Variants in EML5 observed in about 807,000 individuals in gnomAD.
EML5 encodes the protein EMAP like 5.
In EML5, 120 loss-of-function variants were observed where a neutral mutation model predicts 250.0. The ratio of observed to expected loss-of-function variants is 0.48; its 90% confidence interval spans 0.41 to 0.56. EML5 has a LOEUF of 0.56. Among genes scored for constraint, EML5 ranks in the 20% least tolerant of loss-of-function variants. The pLI is 0.00. For missense variants in EML5, 2,006 were observed against 2,437.6 expected (o/e 0.82, Z 3.73); for synonymous variants, 771 against 806.5 (o/e 0.96, Z 0.75).
intron 31 of EML5, among the ~76,000 whole-genome samples, chr14:88,639,560 C>T (rs2090941628): frequency 6.6e-6 from 1 of 152,070 alleles, no homozygotes. Flanking sequence ...GTTCTTATGT[C>T]AGTGGAGGAA....
intron 10 of EML5, among the ~76,000 whole-genome samples, chr14:88,709,952 T>C (rs971925204): frequency 6.6e-6 from 1 of 152,218 alleles, no homozygotes; most frequent in African/African-American, 2.4e-5. Flanking sequence ...GGAATCTAAA[T>C]GATATTTTCT....
chr14:88,716,747 A>G (rs2093500967), intron 8 of EML5, among the ~76,000 whole-genome samples: 1 of 151,806 alleles, frequency 6.6e-6, no homozygotes, highest in Admixed American at 6.6e-5. Flanking sequence ...ACACACACAC[A>G]CACACACACA....
intron 7 of EML5, among the ~76,000 whole-genome samples, chr14:88,734,484 G>A (rs2093809378): frequency 6.6e-6 from 1 of 151,990 alleles, no homozygotes; most frequent in Non-Finnish European, 1.5e-5. Context: ...ATTCTCTTAA[G>A]GGGCCACAAT....
rs1382221083 is a variant in EML5 at position 88,696,780 on chromosome 14, T to TA, written c.2344+66dup. The stretch of plus-strand genomic sequence containing the variant: ...ATGACAAGCTTAGGTAACACTGACT[T>TA]AGATTAAAATGCTATGTGTTGCCTC... On this transcript the variant is annotated intron_variant, in intron 15 of 43. Transcript: ENST00000554922. The TA allele has an allele frequency of 5.4e-6, 6 of 1,114,224 alleles. No homozygotes were observed. The African/African-American group carries it at 9.4e-5, about 17-fold the overall frequency. 69.0% of individuals were successfully genotyped at this position (1,114,224 alleles called of 1,614,324 possible).
chr14:88,619,628 C>A (rs548309571), intron 39 of EML5: 1 of 152,332 alleles, frequency 6.6e-6, no homozygotes, highest in Non-Finnish European at 1.5e-5. Context: ...CACAGCCCAG[C>A]TTAACTAACC....
chr14:88,652,274 T>C (rs189993103), intron 27 of EML5, among the ~76,000 whole-genome samples: 2 of 152,148 alleles, frequency 1.3e-5, no homozygotes, highest in East Asian at 1.9e-4. Flanking sequence ...GTACATGAGG[T>C]ATACCATCAG....
intron 1 of EML5, among the ~76,000 whole-genome samples, chr14:88,766,465 G>A (rs543521795): frequency 1.2e-4 from 18 of 152,200 alleles, no homozygotes; most frequent in South Asian, 4.2e-4. Flanking sequence ...AATAAGCCCC[G>A]GTCTCCCATA....
At chr14:88,709,139 A>C (rs924469048) in intron 10 of EML5, among the ~76,000 whole-genome samples, 3 of 137,790 alleles carry the variant, frequency 2.2e-5, no homozygotes, top group Non-Finnish European at 4.5e-5. Flanking sequence ...AATGATATTA[A>C]ACTTCTAGAT....
chr14:88,753,109 T>C (rs1233450024), intron 2 of EML5, among the ~76,000 whole-genome samples: 2 of 152,152 alleles, frequency 1.3e-5, no homozygotes, highest in Non-Finnish European at 2.9e-5. Flanking sequence ...TCAAAGAATA[T>C]TGTTTGTAAC....
At chr14:88,767,171 G>C (rs1247722861) in intron 1 of EML5, among the ~76,000 whole-genome samples, 1 of 152,142 alleles carries the variant, frequency 6.6e-6, no homozygotes, top group Non-Finnish European at 1.5e-5. Context: ...TTAGGTTCAA[G>C]GTACATATCC....
At chr14:88,774,565 C>G (rs985672775) in intron 1 of EML5, among the ~76,000 whole-genome samples, 4 of 152,160 alleles carry the variant, frequency 2.6e-5, no homozygotes, top group Non-Finnish European at 5.9e-5. Context: ...TAAGGTGAAG[C>G]AGTCCTCATC....
chr14:88,748,024 G>C (rs79854697), intron 2 of EML5, among the ~76,000 whole-genome samples: 1 of 152,040 alleles, frequency 6.6e-6, no homozygotes, highest in South Asian at 2.1e-4. Context: ...GTAATCACCC[G>C]AGCTTCCATC....
rs1316192157 is a variant in EML5 at position 88,627,683 on chromosome 14, G to A, written c.4494C>T (p.Asp1498=). ...TCCAAATGGTAATAGTATGTTCTGG[G>A]TCTAGTCCCACAGACAGCAATAGTT... The part of the protein sequence containing the change: ...TGKLLLSVGL[D]PEHTITIWRW... Residue 1498 remains aspartate, a synonymous_variant, in exon 34 of 44, where the codon GAC becomes GAT. Transcript: ENST00000554922. The A allele has an allele frequency of 3.1e-6, 5 of 1,613,204 alleles. No homozygotes were observed. The highest frequency in any genetic ancestry group is 1.1e-5 in the South Asian group (1 of 90,922).
intron 42 of EML5, 199 bp downstream of exon 42, chr14:88,616,527 G>A (rs1464976468): frequency 1.6e-6 from 1 of 611,142 alleles, no homozygotes; most frequent in Non-Finnish European, 2.8e-6. Flanking sequence ...AGCTTTTGTA[G>A]GATGGTTCCA....
chr14:88,697,021 T>C, intron 14 of EML5, 69 bp from the exon 15 acceptor site: 1 of 1,031,788 alleles, frequency 9.7e-7, no homozygotes, highest in African/African-American at 1.7e-5. Flanking sequence ...TAAAAGGAAA[T>C]AAAACAAGAG....
intron 14 of EML5, among the ~76,000 whole-genome samples, chr14:88,698,060 T>A (rs866578331): frequency 1.3e-5 from 2 of 152,148 alleles, no homozygotes; most frequent in African/African-American, 4.8e-5. Context: ...TAAAAAGATA[T>A]AACAAATAAC....
intron 9 of EML5, among the ~76,000 whole-genome samples, chr14:88,714,001 C>T (rs2093449434): frequency 1.3e-5 from 2 of 151,548 alleles, no homozygotes; most frequent in South Asian, 4.2e-4. Flanking sequence ...CCATGCCTGG[C>T]TAGTTTTTGT....
chr14:88,741,264 CAT>C (rs1314039184), intron 4 of EML5, among the ~76,000 whole-genome samples: 2 of 152,108 alleles, frequency 1.3e-5, no homozygotes, highest in Non-Finnish European at 2.9e-5. Context: ...CCAAATCTAA[CAT>C]ACTCTCTCTG....
At chr14:88,704,812 G>T in intron 13 of EML5, 48 bp downstream of exon 13, 5 of 1,427,062 alleles carry the variant, frequency 3.5e-6, no homozygotes, top group Non-Finnish European at 4.9e-6. Flanking sequence ...AAGCTAGTAA[G>T]TGTGAACCAA....
Sources: gnomAD v4.1 joint callset for allele counts (sites outside exome capture counted in the v4.1 genomes callset) on GRCh38, gnomAD v4.1.1 for gene constraint, MANE v1.5 for transcripts, NCBI Gene and HGNC (gene_info 2026-07-23, HGNC 2026-07-21) for gene names.